The following SPATA7 variants were observed in gnomAD, a reference collection of about 807,000 sequenced individuals.
SPATA7 encodes spermatogenesis-associated protein 7.
In SPATA7, 43 loss-of-function variants were observed where a neutral mutation model predicts 51.8. The observed-to-expected ratio is 0.83, with a 90% CI of 0.65 to 1.07. The LOEUF is 1.07. Ranked by LOEUF, SPATA7 falls within the 50% of genes least tolerant of loss-of-function variation. SPATA7 has a pLI of 0.00. For synonymous variants in SPATA7, 230 were observed against 252.8 expected (o/e 0.91, Z 0.86); for missense variants, 683 against 701.3 (o/e 0.97, Z 0.30).
intron 3 of SPATA7, among the ~76,000 whole-genome samples, chr14:88,448,770 TG>T: frequency 6.6e-6 from 1 of 152,156 alleles, no homozygotes; most frequent in East Asian, 1.9e-4. Flanking sequence ...TGCCCCTGCT[TG>T]GGGGTGCCTC....
intron 4 of SPATA7, chr14:88,468,074 A>G: frequency 7.3e-7 from 1 of 1,371,124 alleles, no homozygotes; most frequent in Non-Finnish European, 1.0e-6. Flanking sequence ...TGAGTTAGGC[A>G]AGCGCTTTTT....
intron 3 of SPATA7, among the ~76,000 whole-genome samples, chr14:88,445,916 A>G (rs1410789889): frequency 6.6e-6 from 1 of 152,182 alleles, no homozygotes; most frequent in Non-Finnish European, 1.5e-5. Flanking sequence ...TTTTGTATCA[A>G]TGTTCATCAA....
At chr14:88,414,677 T>C (rs1182024234) in intron 4 of SPATA7, 1 of 414,496 alleles carries the variant, frequency 2.4e-6, no homozygotes, top group East Asian at 8.0e-5. Flanking sequence ...GATGTAGGTA[T>C]TTAGCACTGT....
chr14:88,445,682 G>C (rs2077207090), intron 3 of SPATA7, among the ~76,000 whole-genome samples: 2 of 152,122 alleles, frequency 1.3e-5, no homozygotes, highest in African/African-American at 4.8e-5. Context: ...TTTATTGAGA[G>C]TTTTTAGTAT....
Position 88,426,422 on chromosome 14 carries a change from C to T in SPATA7, c.563C>T (p.Ser188Phe). ...CCGTCCAGTGTGGATTATGCAGCCT[C>T]CGGGCCCCGGAAACTGAGCTCTGGA... ...SSPSSVDYAA[S>F]GPRKLSSGAL... The change falls in exon 6 of 12, where the codon TCC becomes TTC. Residue 188 changes from serine to phenylalanine, a missense_variant. By Grantham distance (155) the Ser-to-Phe change is radical. Coordinates refer to ENST00000393545, the MANE Select transcript of SPATA7 (RefSeq NM_018418.5). The T allele has an allele frequency of 1.2e-6, 2 of 1,614,174 alleles. No homozygotes were observed. Among genetic ancestry groups the T allele is most frequent in the African/African-American group, 2.7e-5 (2 of 75,048 alleles).
At chr14:88,423,542 T>C (rs73323540) in intron 5 of SPATA7, among the ~76,000 whole-genome samples, 9,479 of 149,610 alleles carry the variant, frequency 0.063, 394 homozygotes, top group African/African-American at 0.12. Flanking sequence ...GGTAACAAAG[T>C]AAGATTAAAA....
intron 4 of SPATA7, among the ~76,000 whole-genome samples, chr14:88,402,859 T>G (rs1310753381): frequency 6.9e-6 from 1 of 145,980 alleles, no homozygotes; most frequent in Non-Finnish European, 1.5e-5. Context: ...ATCGACAGAG[T>G]GCATAGGCAA....
intron 3 of SPATA7, among the ~76,000 whole-genome samples, chr14:88,443,840 T>C (rs2077194531): frequency 6.6e-6 from 1 of 152,230 alleles, no homozygotes; most frequent in South Asian, 2.1e-4. Context: ...TGCATAGTAT[T>C]GCATGGTGTG....
exon 5 of SPATA7, chr14:88,470,313 A>G: frequency 2.2e-6 from 1 of 455,758 alleles, no homozygotes; most frequent in South Asian, 2.5e-5. Context: ...GCTGAATGTC[A>G]GTTCTCATTT....
At position 88,385,834 on chromosome 14, in the gene SPATA7, A is replaced by G. The variant is rs1595158235; in HGVS notation, c.16A>G (p.Arg6Gly). The change falls in exon 1 of 12, where the codon AGA becomes GGA. Residue 6 changes from arginine to glycine, a missense_variant. Transcript: ENST00000393545. The part of the protein sequence containing the change: MDGSR[R>G]VRATSVLPRY... ...AGGACTAAGCATGGATGGCAGCCGG[A>G]GAGGTAAAGGGCAGCTGTCAGGGGC... The G allele has an allele frequency of 6.2e-7, 1 of 1,604,036 alleles. No homozygotes were observed. Among genetic ancestry groups the G allele is most frequent in the South Asian group, 1.1e-5 (1 of 89,018 alleles).
intron 3 of SPATA7, among the ~76,000 whole-genome samples, chr14:88,394,541 T>C (rs1042463410): frequency 6.6e-6 from 1 of 152,206 alleles, no homozygotes; most frequent in African/African-American, 2.4e-5. Context: ...CCACAATTTG[T>C]TTATGATTCA....
chr14:88,469,506 T>C lies in SPATA7; in HGVS notation c.255-341T>C. 1 of 1,611,984 alleles carries C rather than the reference T, an allele frequency of 6.2e-7. No individual in the cohort carries two copies. ...AAAGTTAAAGTCACTCACATAAAAA[T>C]CCCTTGAGGTCTTCTGGACAGCCAT... On this transcript the variant is annotated intron_variant, in intron 4 of 4. Coordinates refer to the SPATA7 transcript ENST00000556406. The surrounding 1 kb of genome is among the most constrained non-coding windows in gnomAD (Gnocchi z 4.3).
intron 10 of SPATA7, among the ~76,000 whole-genome samples, chr14:88,436,734 CT>C (rs1448695977): frequency 6.6e-6 from 1 of 152,052 alleles, no homozygotes; most frequent in Non-Finnish European, 1.5e-5. Context: ...AATGAGTTCA[CT>C]ATAGGTGTGT....
chr14:88,437,624 GA>G lies in SPATA7; in HGVS notation c.1215+32del, dbSNP rs1183705509. 2.0e-5 allele frequency: 31 copies of G among 1,528,986 alleles called. No homozygotes were observed. In the East Asian group the frequency reaches 7.0e-4, roughly 34 times the overall value. The allele number at this position is 1,528,986 out of a possible 1,614,324, so 94.7% of individuals were successfully genotyped here. A position where few individuals can be genotyped will look rare whatever the true frequency, so the allele number is the denominator to read the frequency against. On this transcript the variant is annotated intron_variant, in intron 11 of 11. Transcript: ENST00000393545. ...TTTGTCTTTCCTTATAACTTCATTA[GA>G]AAAATTATAATGTAAAAATAATTGT...
downstream of SPATA7, among the ~76,000 whole-genome samples, chr14:88,439,207 A>G (rs762192939): frequency 3.9e-5 from 6 of 152,146 alleles, no homozygotes; most frequent in Non-Finnish European, 5.9e-5. Flanking sequence ...AATATCTTTA[A>G]TTTTGTTTTT....
intron 9 of SPATA7, chr14:88,432,563 C>T (rs954795777): frequency 3.3e-5 from 5 of 152,136 alleles, no homozygotes; most frequent in African/African-American, 1.2e-4. Flanking sequence ...CACAAATTTT[C>T]CTATGAGAAT....
In SPATA7 at chr14:88,426,346, A is replaced by T. The variant is rs890724174; in HGVS notation, c.487A>T (p.Lys163Ter). ...SSERLHLSLH[K>*]SSKVITNGPE... ...AGAGAGACTACACCTAAGTCTACAT[A>T]AATCCAGTAAAGTCATCACAAATGG... Residue 163 changes from lysine (K) to a stop codon, truncating the protein, a stop_gained, in exon 6 of 12, where the codon AAA becomes TAA. Transcript: ENST00000393545. LOFTEE classifies it high-confidence loss of function. 1.2e-6 allele frequency: 2 copies of T among 1,614,148 alleles called. No homozygotes were observed. The highest frequency in any genetic ancestry group is 1.7e-6 in the Non-Finnish European group (2 of 1,180,012).
intron 3 of SPATA7, among the ~76,000 whole-genome samples, chr14:88,450,604 A>G (rs2077243746): frequency 6.6e-6 from 1 of 152,142 alleles, no homozygotes; most frequent in South Asian, 2.1e-4. Context: ...TGCTTTGTTT[A>G]AGGAAGCTAA....
At chr14:88,444,561 T>A (rs1386680851) in intron 3 of SPATA7, among the ~76,000 whole-genome samples, 2 of 151,862 alleles carry the variant, frequency 1.3e-5, no homozygotes, top group Non-Finnish European at 2.9e-5. Context: ...TCCTTGCCCA[T>A]GCCTATGTCC....
Sources: gnomAD v4.1 joint callset for allele counts (sites outside exome capture counted in the v4.1 genomes callset) on GRCh38, gnomAD v4.1.1 for gene constraint, Gnocchi (gnomAD v3.1) non-coding constraint, MANE v1.5 for transcripts, NCBI Gene and HGNC (gene_info 2026-07-23, HGNC 2026-07-21) for gene names.